RAB2A: variants seen among roughly 807,000 people sequenced by gnomAD.
RAB2A encodes the protein ras-related protein Rab-2A.
A neutral mutation model predicts 32.5 loss-of-function variants in RAB2A; 7 were observed. The ratio of observed to expected loss-of-function variants is 0.22; its 90% CI spans 0.12 to 0.40. RAB2A has a LOEUF of 0.40. Among genes scored for constraint, RAB2A ranks in the 10% least tolerant of loss-of-function variants. The probability of loss-of-function intolerance (pLI) is 1.00; values close to 1 mark genes in which losing one functional copy is unlikely to be tolerated. For synonymous variants in RAB2A, 79 were observed against 85.2 expected, an observed-to-expected ratio of 0.93 and a Z score of 0.40; for missense variants, 108 against 260.7, an observed-to-expected ratio of 0.41 and a Z score of 4.03.
chr8:60,557,115 A>G (rs1242275499), intron 1 of RAB2A, among the ~76,000 whole-genome samples: 3 of 152,228 alleles, frequency 2.0e-5, no homozygotes, highest in African/African-American at 7.2e-5. Flanking sequence ...AAAATTGGGT[A>G]AAATGAGTTT....
chr8:60,544,484 C>T (rs760130327), intron 1 of RAB2A, among the ~76,000 whole-genome samples: 13 of 151,256 alleles, frequency 8.6e-5, no homozygotes, highest in Non-Finnish European at 1.6e-4. Context: ...CAAAATGCTA[C>T]TACATTTTAT....
chr8:60,596,833 A>G (rs1287129861), intron 6 of RAB2A, among the ~76,000 whole-genome samples: 1 of 152,136 alleles, frequency 6.6e-6, no homozygotes, highest in Non-Finnish European at 1.5e-5. Context: ...AGGCAGGAGA[A>G]TGGCATGAAC....
intron 2 of RAB2A, among the ~76,000 whole-genome samples, chr8:60,562,736 G>A (rs942049050): frequency 3.3e-5 from 5 of 152,078 alleles, no homozygotes; most frequent in Admixed American, 2.0e-4. Context: ...TGTCGATAAT[G>A]ATAATTACAT....
intron 6 of RAB2A, among the ~76,000 whole-genome samples, chr8:60,600,154 A>ATTTGTAGAATTT (rs1804108989): frequency 6.6e-6 from 1 of 152,176 alleles, no homozygotes; most frequent in Non-Finnish European, 1.5e-5. Context: ...ATGGCAAATA[A>ATTTGTAGAATTT]GCACTAAAAA....
At position 60,557,331 on chromosome 8, in the gene RAB2A, C is replaced by T. The variant is rs150138580; in HGVS notation, c.47-1521C>T. Among the ~76,000 whole-genome samples, 348 of 152,234 alleles carry T rather than the reference C, an allele frequency of 2.3e-3. 3 individuals carry two copies. The highest frequency in any genetic ancestry group is 8.2e-3 in the African/African-American group (339 of 41,534). On this transcript the variant is annotated intron_variant, in intron 1 of 7. Coordinates refer to ENST00000262646, the MANE Select transcript of RAB2A (RefSeq NM_002865.3). ...AGGAGTTTGAGACCAGCCTGGCCAA[C>T]ATAGCAACACCCTGTCTCTACTAAA... is the stretch of plus-strand genomic sequence containing the variant.
intron 1 of RAB2A, among the ~76,000 whole-genome samples, chr8:60,535,461 A>G (rs1807543311): frequency 6.6e-6 from 1 of 152,066 alleles, no homozygotes; most frequent in South Asian, 2.1e-4. Context: ...CTGTTCTACA[A>G]CTTTATTTTT....
At position 60,558,832 on chromosome 8, in the gene RAB2A, TA is replaced by T. The variant is rs753450864; in HGVS notation, c.47-19del. ...ATTTCTGTGAATTTTGTCTCTTATT[TA>T]TTTTTTTTTAACTTTCAGGTGTTGG... On this transcript the variant is annotated intron_variant, in intron 1 of 7. Transcript: ENST00000262646. The T allele has an allele frequency of 3.1e-6, 5 of 1,594,942 alleles. No individual in the cohort carries two copies. The East Asian group carries it at 6.7e-5, about 21-fold the overall frequency.
At position 60,620,824 on chromosome 8, in the gene RAB2A, C is replaced by G; in HGVS notation, c.*55C>G. On this transcript the variant is annotated 3_prime_UTR_variant, in exon 8 of 8. Transcript: ENST00000262646. The stretch of plus-strand genomic sequence containing the variant: ...GGGCCTACTCACTTATTCTTTCACC[C>G]CCTCTCCTCCTGCTCAGCTGAGACA... The G allele has an allele frequency of 7.0e-7, 1 of 1,422,058 alleles. No individual in the cohort carries two copies. The highest frequency in any genetic ancestry group is 9.6e-7 in the Non-Finnish European group (1 of 1,038,778). 88.1% of individuals were successfully genotyped at this position (1,422,058 alleles called of 1,614,324 possible). A position where few individuals can be genotyped will look rare whatever the true frequency, so the allele number is the denominator to read the frequency against.
chr8:60,609,602 G>A (rs1185038044), intron 6 of RAB2A, among the ~76,000 whole-genome samples: 1 of 152,136 alleles, frequency 6.6e-6, no homozygotes, highest in East Asian at 1.9e-4. Flanking sequence ...GGTCCCATTT[G>A]TTACATGTAG....
intron 1 of RAB2A, among the ~76,000 whole-genome samples, chr8:60,547,365 A>G (rs1200077846): frequency 2.6e-5 from 4 of 151,970 alleles, no homozygotes; most frequent in Non-Finnish European, 5.9e-5. Flanking sequence ...TTTCTATTCC[A>G]CAAAACCGCC....
intron 5 of RAB2A, among the ~76,000 whole-genome samples, chr8:60,588,474 C>T (rs889026797): frequency 3.9e-5 from 6 of 152,130 alleles, no homozygotes; most frequent in Non-Finnish European, 8.8e-5. Context: ...AGTGATACAG[C>T]ATTACAACAG....
At chr8:60,552,527 A>T (rs1166260552) in intron 1 of RAB2A, 3 of 152,192 alleles carry the variant, frequency 2.0e-5, no homozygotes, top group African/African-American at 7.2e-5. Flanking sequence ...TCATTGTTTT[A>T]CATTTCTAAA....
At chr8:60,533,092 C>G (rs572351423) in intron 1 of RAB2A, among the ~76,000 whole-genome samples, 2 of 152,330 alleles carry the variant, frequency 1.3e-5, no homozygotes, top group South Asian at 4.1e-4. Flanking sequence ...TGTAAAATAA[C>G]CGTACAAATA....
chr8:60,547,498 C>A (rs546462055), intron 1 of RAB2A, among the ~76,000 whole-genome samples: 119 of 151,788 alleles, frequency 7.8e-4, no homozygotes, highest in South Asian at 3.3e-3. Context: ...CCTCACCTCC[C>A]GGACAGGGCA....
At chr8:60,594,437 C>G (rs1430519492) in intron 6 of RAB2A, among the ~76,000 whole-genome samples, 1 of 152,116 alleles carries the variant, frequency 6.6e-6, no homozygotes, top group East Asian at 1.9e-4. Flanking sequence ...GATTTCTCAT[C>G]AGAAACCATG....
chr8:60,617,702 G>A (rs1018008905), intron 6 of RAB2A, among the ~76,000 whole-genome samples: 4 of 152,038 alleles, frequency 2.6e-5, no homozygotes, highest in African/African-American at 7.2e-5. Flanking sequence ...CCGAGATTGC[G>A]CCGCTGCACT....
At chr8:60,586,933 G>GAAAAAA (rs200377607) in intron 5 of RAB2A, among the ~76,000 whole-genome samples, 6 of 63,938 alleles carry the variant, frequency 9.4e-5, no homozygotes, top group Admixed American at 1.8e-4. Flanking sequence ...CTGTCTCCAA[G>GAAAAAA]AAAAAAAAAA....
At chr8:60,617,564 C>G (rs926112303) in intron 6 of RAB2A, among the ~76,000 whole-genome samples, 1 of 151,914 alleles carries the variant, frequency 6.6e-6, no homozygotes, top group Admixed American at 6.6e-5. Flanking sequence ...ATTCACATAC[C>G]ATAAAATTGA....
chr8:60,593,062 A>G (rs140849826), intron 6 of RAB2A, among the ~76,000 whole-genome samples: 11 of 152,354 alleles, frequency 7.2e-5, no homozygotes, highest in Non-Finnish European at 1.2e-4. Context: ...AGCTCTTCTG[A>G]TTAACCCTTG....
Sources: gnomAD v4.1 joint callset for allele counts (sites outside exome capture counted in the v4.1 genomes callset) on GRCh38, gnomAD v4.1.1 for gene constraint, MANE v1.5 for transcripts, NCBI Gene and HGNC (gene_info 2026-07-23, HGNC 2026-07-21) for gene names.